The following CEMIP variants were observed in gnomAD, a reference collection of about 807,000 sequenced individuals.
CEMIP encodes cell migration inducing hyaluronidase 1, also known as cell migration-inducing and hyaluronan-binding protein.
In CEMIP, 105 loss-of-function variants were observed where a neutral mutation model predicts 156.9. The ratio of observed to expected loss-of-function variants is 0.67; its 90% CI spans 0.57 to 0.79. The LOEUF is 0.79. CEMIP is among the 30% of genes least tolerant of loss of function. The pLI is 0.00. For synonymous variants in CEMIP, 676 were observed against 668.4 expected (o/e 1.01, Z -0.17); for missense variants, 1,457 against 1,769.4 (o/e 0.82, Z 3.17).
intron 1 of CEMIP, among the ~76,000 whole-genome samples, chr15:80,810,787 C>T (rs975570365): frequency 4.1e-5 from 6 of 148,120 alleles, no homozygotes; most frequent in African/African-American, 1.3e-4. Context: ...GTATATCTAT[C>T]CATGTTATCC....
At chr15:80,850,524 C>T (rs1276166177) in intron 1 of CEMIP, among the ~76,000 whole-genome samples, 3 of 152,192 alleles carry the variant, frequency 2.0e-5, no homozygotes, top group Non-Finnish European at 4.4e-5. Flanking sequence ...AGTGATCCCG[C>T]CTTGGCCACC....
At chr15:80,880,760 G>C in intron 5 of CEMIP, 140 bp from the exon 6 acceptor site, 1 of 781,012 alleles carries the variant, frequency 1.3e-6, no homozygotes, top group Non-Finnish European at 2.3e-6. Context: ...ACTGACCTCA[G>C]GTGATAAAAG....
At chr15:80,842,092 A>T in intron 1 of CEMIP, 1 of 530,212 alleles carries the variant, frequency 1.9e-6, no homozygotes. Context: ...ATGTGATGCC[A>T]GGTTCTCAAC....
rs151195874 is a variant in CEMIP at position 80,915,051 on chromosome 15, A to G, written c.1798-5043A>G. Among the ~76,000 whole-genome samples, 337 of 152,302 alleles carry G rather than the reference A, an allele frequency of 2.2e-3. 3 individuals carry two copies. Among genetic ancestry groups the G allele is most frequent in the Non-Finnish European group, 3.4e-3 (228 of 68,032 alleles). Reference sequence around the variant, plus strand: ...AGATGAGCCAGTTTATCAATGTGGGAGGCACTAGCTGGTCCATTTAGTGCC... The same window carrying G: ...AGATGAGCCAGTTTATCAATGTGGGGGGCACTAGCTGGTCCATTTAGTGCC... On this transcript the variant is annotated intron_variant, in intron 14 of 29. Transcript: ENST00000394685.
In CEMIP at chr15:80,888,600, G is replaced by C; in HGVS notation, c.869-101G>C. 4.6e-6 allele frequency: 4 copies of C among 860,430 alleles called. No homozygotes were observed. In the South Asian group the frequency reaches 5.3e-5, roughly 11 times the overall value. 53.3% of individuals were successfully genotyped at this position (860,430 alleles called of 1,614,324 possible). A position where few individuals can be genotyped will look rare whatever the true frequency, so the allele number is the denominator to read the frequency against. On this transcript the variant is annotated intron_variant, in intron 8 of 29. Transcript: ENST00000394685. ...TTAAAAAATATTTTTAAAGAAATGA[G>C]TCAATGCCCATGTGCGTAGGGGGGT...
chr15:80,834,892 A>G (rs745903913), intron 1 of CEMIP, among the ~76,000 whole-genome samples: 52 of 152,236 alleles, frequency 3.4e-4, no homozygotes, highest in South Asian at 6.2e-4. Flanking sequence ...TCATGAAGAT[A>G]GGATCTATCC....
chr15:80,925,692 C>A lies in CEMIP; in HGVS notation c.2357C>A (p.Ala786Asp). ...REPAIIRHFI[A>D]YKNQDHGAWL... is the part of the protein sequence containing the mutation. ...CCGGCCATCATCAGACACTTCATTG[C>A]CTACAAGAACCAGGACCACGGGGCC... Residue 786 changes from alanine to aspartate, a missense_variant, in exon 19 of 30, where the codon GCC (alanine) becomes GAC (aspartate). This residue lies in a region of CEMIP where 798 missense variants were observed against 980.1 expected (regional missense o/e 0.81). Transcript: ENST00000394685. 6.2e-7 allele frequency: 1 copy of A among 1,613,802 alleles called. No individual in the cohort carries two copies.
intron 3 of CEMIP, among the ~76,000 whole-genome samples, chr15:80,874,699 A>T (rs996784343): frequency 6.6e-6 from 1 of 152,340 alleles, no homozygotes; most frequent in East Asian, 1.9e-4. Context: ...AGTGTAAGGT[A>T]AGTTTCCCTG....
At chr15:80,819,540 G>T (rs1475504456) in intron 1 of CEMIP, among the ~76,000 whole-genome samples, 1 of 152,160 alleles carries the variant, frequency 6.6e-6, no homozygotes, top group East Asian at 1.9e-4. Context: ...GGGAACATTG[G>T]TACAATTCCT....
chr15:80,902,618 G>A (rs1460115615), intron 12 of CEMIP, among the ~76,000 whole-genome samples: 1 of 152,140 alleles, frequency 6.6e-6, no homozygotes, highest in Non-Finnish European at 1.5e-5. Flanking sequence ...GACGGCTGTG[G>A]GACTGAAATA....
intron 1 of CEMIP, among the ~76,000 whole-genome samples, chr15:80,783,565 C>G (rs1895851007): frequency 6.6e-6 from 1 of 152,178 alleles, no homozygotes; most frequent in South Asian, 2.1e-4. Flanking sequence ...CTTCTCAGTG[C>G]TGGGTTCCTT....
At chr15:80,923,238 G>C (rs889192273) in intron 17 of CEMIP, among the ~76,000 whole-genome samples, 1 of 152,106 alleles carries the variant, frequency 6.6e-6, no homozygotes, top group African/African-American at 2.4e-5. Context: ...GCAGAGGTGT[G>C]GAAGACAACA....
intron 1 of CEMIP, among the ~76,000 whole-genome samples, chr15:80,804,955 A>T (rs1896476121): frequency 6.6e-6 from 1 of 152,098 alleles, no homozygotes; most frequent in South Asian, 2.1e-4. Flanking sequence ...TTTCTAGAAG[A>T]TCCAAAGCTG....
At chr15:80,880,502 G>A (rs939644008) in intron 5 of CEMIP, among the ~76,000 whole-genome samples, 48 of 152,142 alleles carry the variant, frequency 3.2e-4, no homozygotes, top group African/African-American at 1.2e-3. Context: ...AGTGGCATGA[G>A]CTCAGTTCAC....
Position 80,878,450 on chromosome 15 carries a change from G to A in CEMIP, c.95-271G>A, listed in dbSNP as rs144107793. 3.9e-3 allele frequency among the ~76,000 whole-genome samples: 588 copies of A among 152,312 alleles called. 9 individuals are homozygous for A. Among genetic ancestry groups the A allele is most frequent in the African/African-American group, 0.014 (566 of 41,560 alleles). ...TGTCCTGAGAAGCCATCTGGTCTAC[G>A]CTTTATTTATTAAATGGGGAAACTG... On this transcript the variant is annotated intron_variant, in intron 3 of 29. Transcript: ENST00000394685.
At position 80,950,397 on chromosome 15, in the gene CEMIP, A is replaced by C. The variant is rs1901766827; in HGVS notation, c.*1473A>C. 1 of 152,246 alleles carries C rather than the reference A, an allele frequency of 6.6e-6. No homozygotes were observed. Among genetic ancestry groups the C allele is most frequent in the Non-Finnish European group, 1.5e-5 (1 of 68,070 alleles). The allele number at this position is 152,246 out of a possible 1,614,324, so 9.4% of individuals were successfully genotyped here. On this transcript the variant is annotated 3_prime_UTR_variant, in exon 30 of 30. Transcript: ENST00000394685. ...CTGGAAATGGGGACAAGTCCCCTCGAAGGAAAGGAAATGACTAGAGTAGAA... is the reference window on the plus strand; with the variant it reads ...CTGGAAATGGGGACAAGTCCCCTCGCAGGAAAGGAAATGACTAGAGTAGAA...
chr15:80,826,429 A>C (rs1897039876), intron 1 of CEMIP, among the ~76,000 whole-genome samples: 1 of 152,184 alleles, frequency 6.6e-6, no homozygotes, highest in African/African-American at 2.4e-5. Context: ...CAGTACCAAG[A>C]ATATCACTTA....
At chr15:80,804,827 AG>A (rs1896471038) in intron 1 of CEMIP, among the ~76,000 whole-genome samples, 2 of 152,184 alleles carry the variant, frequency 1.3e-5, no homozygotes, top group African/African-American at 4.8e-5. Context: ...TACTTGAACT[AG>A]GGGACAAGCA....
In CEMIP at chr15:80,932,063, T is replaced by G; in HGVS notation, c.2793+24T>G. On this transcript the variant is annotated intron_variant, in intron 22 of 29. Coordinates refer to ENST00000394685, the MANE Select transcript of CEMIP (RefSeq NM_001293298.2). The surrounding 1 kb of genome is among the most constrained non-coding windows in gnomAD (Gnocchi z 4.5). Reference sequence around the variant, plus strand: ...CGGTGAGTGAGGCGCCAGGGCAGACTCCCGGCAAACCCAGACTTTGGATGG... The same window carrying G: ...CGGTGAGTGAGGCGCCAGGGCAGACGCCCGGCAAACCCAGACTTTGGATGG... The G allele has an allele frequency of 6.2e-7, 1 of 1,610,190 alleles. No homozygotes were observed. The highest frequency in any genetic ancestry group is 8.5e-7 in the Non-Finnish European group (1 of 1,179,862).
Sources: allele counts gnomAD v4.1 joint callset (sites outside exome capture counted in the v4.1 genomes callset), GRCh38; gene constraint gnomAD v4.1.1; regional missense constraint gnomAD v4.1.1; non-coding constraint Gnocchi (gnomAD v3.1); transcripts MANE v1.5; gene names NCBI Gene and HGNC (gene_info 2026-07-23, HGNC 2026-07-21).